Variants in PGR observed in about 807,000 individuals in gnomAD.
PGR encodes the protein nuclear receptor subfamily 3 group C member 3.
In PGR, 25 loss-of-function variants were observed where a neutral mutation model predicts 76.1. The ratio of observed to expected loss-of-function variants is 0.33; its 90% CI spans 0.24 to 0.46. The LOEUF is 0.46. Ranked by LOEUF, PGR falls within the 20% of genes least tolerant of loss-of-function variation. The pLI, the probability that PGR is intolerant of heterozygous loss-of-function variation, is 1.00. For synonymous variants in PGR, 579 were observed against 535.0 expected, an observed-to-expected ratio of 1.08 and a Z score of -1.14; for missense variants, 1,172 against 1,225.3, an observed-to-expected ratio of 0.96 and a Z score of 0.65.
At chr11:101,099,122 T>C (rs1861922760) in intron 2 of PGR, among the ~76,000 whole-genome samples, 1 of 152,114 alleles carries the variant, frequency 6.6e-6, no homozygotes, top group Non-Finnish European at 1.5e-5. Context: ...ACAAGAATAT[T>C]TATAGCAGCA....
At chr11:101,092,326 T>A (rs1373163937) in intron 2 of PGR, among the ~76,000 whole-genome samples, 2 of 151,712 alleles carry the variant, frequency 1.3e-5, no homozygotes, top group African/African-American at 4.8e-5. Flanking sequence ...AAAGACCTTT[T>A]AAAAAAAAAT....
chr11:101,077,274 T>C lies in PGR; in HGVS notation c.1906+14486A>G, dbSNP rs370388088. Among the ~76,000 whole-genome samples, 6 of 152,182 alleles carry C rather than the reference T, an allele frequency of 3.9e-5. No homozygotes were observed. The South Asian group carries it at 1.0e-3, about 26-fold the overall frequency. The stretch of plus-strand genomic sequence containing the variant: ...CAAAATGATAATGACCACTGCGCAG[T>C]GCTGGGATCAGTCCACTGGCACTAC... On this transcript the variant is annotated intron_variant, in intron 3 of 7. Coordinates refer to ENST00000325455, the MANE Select transcript of PGR (RefSeq NM_000926.4).
intron 2 of PGR, among the ~76,000 whole-genome samples, chr11:101,118,274 TAAAC>T (rs1191519265): frequency 6.6e-6 from 1 of 152,196 alleles, no homozygotes; most frequent in African/African-American, 2.4e-5. Context: ...AATGAGTTAG[TAAAC>T]AAAGAGACAT....
chr11:101,052,280 TGTGTGTGTG>T (rs1411826512), intron 4 of PGR, among the ~76,000 whole-genome samples: 7 of 7,436 alleles, frequency 9.4e-4, no homozygotes. Context: ...TGTGTGTGTG[TGTGTGTGTG>T]TGTGTGTGTG....
intron 7 of PGR, 165 bp downstream of exon 7, chr11:101,041,779 GA>G (rs61351396): frequency 6.2e-4 from 376 of 603,410 alleles, no homozygotes; most frequent in Non-Finnish European, 9.4e-4. Flanking sequence ...TATTGAAAAT[GA>G]AAAAAAAACA....
At chr11:101,123,767 A>G (rs1862753051) in intron 2 of PGR, among the ~76,000 whole-genome samples, 1 of 152,208 alleles carries the variant, frequency 6.6e-6, no homozygotes. Flanking sequence ...AAAAACTCAC[A>G]AACCACACAG....
intron 3 of PGR, among the ~76,000 whole-genome samples, chr11:101,074,577 T>TC (rs1244863045): frequency 6.6e-6 from 1 of 152,032 alleles, no homozygotes; most frequent in East Asian, 1.9e-4. Context: ...TTTAGAAAAC[T>TC]CCATCATCTC....
intron 2 of PGR, among the ~76,000 whole-genome samples, chr11:101,106,930 C>T (rs1862181156): frequency 6.6e-6 from 1 of 152,148 alleles, no homozygotes; most frequent in South Asian, 2.1e-4. Context: ...ATGGATGAAG[C>T]TGGAAACCAT....
rs757807912 is a variant in PGR at position 101,037,795 on chromosome 11, G to T, written c.*1321C>A. 4.4e-6 allele frequency: 1 copy of T among 224,888 alleles called. No homozygotes were observed. The highest frequency in any genetic ancestry group is 5.7e-5 in the Admixed American group (1 of 17,410). 13.9% of individuals were successfully genotyped at this position (224,888 alleles called of 1,614,324 possible). ...GCAGAAATGTAACCAAAGAATGATC[G>T]AAATCTACAGTAATACCAAGACAGA... On this transcript the variant is annotated 3_prime_UTR_variant, in exon 8 of 8. Transcript: ENST00000325455.
chr11:101,088,666 A>G (rs1861575178), intron 3 of PGR, among the ~76,000 whole-genome samples: 1 of 152,208 alleles, frequency 6.6e-6, no homozygotes, highest in Non-Finnish European at 1.5e-5. Flanking sequence ...CCATTAGACC[A>G]GCAATCCCAT....
chr11:101,052,563 G>T (rs1310169628), intron 4 of PGR, among the ~76,000 whole-genome samples: 1 of 152,088 alleles, frequency 6.6e-6, no homozygotes, highest in African/African-American at 2.4e-5. Flanking sequence ...GGTCTTGCAA[G>T]TCTATTAAGG....
chr11:101,073,537 A>C (rs2135427855), intron 3 of PGR, among the ~76,000 whole-genome samples: 1 of 152,286 alleles, frequency 6.6e-6, no homozygotes, highest in African/African-American at 2.4e-5. Flanking sequence ...AAATCAATGA[A>C]TCCAGGAGCT....
chr11:101,063,072 A>C (rs917712363), intron 3 of PGR: 1 of 251,530 alleles, frequency 4.0e-6, no homozygotes, highest in Non-Finnish European at 7.7e-6. Flanking sequence ...ATATGAATAA[A>C]AAGACAAAGA....
At position 101,031,474 on chromosome 11, in the gene PGR, T is replaced by C. The variant is rs1859348999; in HGVS notation, c.*7642A>G. 2 of 228,212 alleles carry C rather than the reference T, an allele frequency of 8.8e-6. No individual in the cohort carries two copies. The highest frequency in any genetic ancestry group is 5.7e-5 in the Admixed American group (1 of 17,610). 14.1% of individuals were successfully genotyped at this position (228,212 alleles called of 1,614,324 possible). ...GAAGGCTCTTTTAGATGAAAAAACATGGATAGATTATTAAGCGCCAAGTTT... is the reference window on the plus strand; with the variant it reads ...GAAGGCTCTTTTAGATGAAAAAACACGGATAGATTATTAAGCGCCAAGTTT... On this transcript the variant is annotated 3_prime_UTR_variant, in exon 8 of 8. Transcript: ENST00000325455.
chr11:101,124,568 G>T lies in PGR; in HGVS notation c.1789+1439C>A, dbSNP rs73577773. The stretch of plus-strand genomic sequence containing the variant: ...TTGGGCTTAAGAGGATTCTAAGGGA[G>T]TCATTCACTTATAAAATTATACTAT... On this transcript the variant is annotated intron_variant, in intron 2 of 7. Transcript: ENST00000325455. 6.1e-3 allele frequency among the ~76,000 whole-genome samples: 935 copies of T among 152,260 alleles called. 11 individuals are homozygous for T. The highest frequency in any genetic ancestry group is 0.021 in the African/African-American group (883 of 41,560).
At chr11:101,070,849 C>T (rs535854294) in intron 3 of PGR, among the ~76,000 whole-genome samples, 1 of 152,332 alleles carries the variant, frequency 6.6e-6, no homozygotes, top group South Asian at 2.1e-4. Context: ...AAACTCCCAT[C>T]TCCCTGGGAC....
intron 3 of PGR, among the ~76,000 whole-genome samples, chr11:101,089,032 G>A (rs1475832861): frequency 6.6e-6 from 1 of 152,140 alleles, no homozygotes; most frequent in East Asian, 1.9e-4. Flanking sequence ...AGAGGAGGAA[G>A]GAAGAAGAAG....
rs2135514245 is a variant in PGR at position 101,127,773 on chromosome 11, C to T, written c.1298G>A (p.Arg433Lys). 1 of 1,563,688 alleles carries T rather than the reference C, an allele frequency of 6.4e-7. No homozygotes were observed. The highest frequency in any genetic ancestry group is 1.2e-5 in the South Asian group (1 of 86,392). ...GGCCGTCACCGCCGCTTCCCCGGGT[C>T]TGGATGGGGTCGCTCGCGGCGGCAG... ...PPLPPRATPS[R>K]PGEAAVTAAP... Residue 433 changes from arginine (R) to lysine (K), a missense_variant, in exon 1 of 8, where the codon AGA becomes AAA. Arg to Lys is a conservative substitution (Grantham distance 26, BLOSUM62 2). Transcript: ENST00000325455.
chr11:101,098,314 A>T (rs1000669578), intron 2 of PGR, among the ~76,000 whole-genome samples: 2 of 152,216 alleles, frequency 1.3e-5, no homozygotes, highest in Non-Finnish European at 2.9e-5. Context: ...AGCACAAGTG[A>T]ACATAGTTCA....
Sources: allele counts gnomAD v4.1 joint callset (sites outside exome capture counted in the v4.1 genomes callset), GRCh38; gene constraint gnomAD v4.1.1; transcripts MANE v1.5; gene names NCBI Gene and HGNC (gene_info 2026-07-23, HGNC 2026-07-21).